STK32B: variants seen among roughly 807,000 people sequenced by gnomAD.
The protein encoded by STK32B is serine/threonine-protein kinase 32B.
STK32B carries 43 observed loss-of-function variants against 52.6 expected under a neutral mutation model. That is an observed-to-expected ratio of 0.82 (90% CI 0.64 to 1.05). The LOEUF (loss-of-function observed/expected upper bound fraction) is 1.05, where lower values mean the gene tolerates loss of function less well. Among genes scored for constraint, STK32B ranks in the 50% least tolerant of loss-of-function variants. The pLI, the probability that STK32B is intolerant of heterozygous loss-of-function variation, is 0.00. For missense variants in STK32B, 621 were observed against 534.6 expected (o/e 1.16, Z -1.59); for synonymous variants, 238 against 204.3 (o/e 1.17, Z -1.41).
In STK32B at chr4:5,460,038, T is replaced by A; in HGVS notation, c.784-65T>A. 6.2e-7 allele frequency: 1 copy of A among 1,613,076 alleles called. No homozygotes were observed. Among genetic ancestry groups the A allele is most frequent in the Non-Finnish European group, 8.5e-7 (1 of 1,179,384 alleles). On this transcript the variant is annotated intron_variant, in intron 8 of 11. Transcript: ENST00000282908. This position sits in a 1 kb window ranked among gnomAD's most constrained non-coding sequence, Gnocchi z 4.8. ...ATTAATTGCCCTGAGACCCCCTCCT[T>A]CAGAGTCCCCGCTAACCTTGAGGGA...
chr4:5,267,559 A>T (rs1727133066), intron 3 of STK32B, among the ~76,000 whole-genome samples: 1 of 152,330 alleles, frequency 6.6e-6, no homozygotes, highest in Non-Finnish European at 1.5e-5. Flanking sequence ...TGAAAGCTCC[A>T]GTAAATTAAG....
At chr4:5,343,700 G>A (rs1039442354) in intron 4 of STK32B, among the ~76,000 whole-genome samples, 2 of 152,266 alleles carry the variant, frequency 1.3e-5, no homozygotes, top group African/African-American at 2.4e-5. Flanking sequence ...AAAAGCAATG[G>A]CAACACAAGC....
At chr4:5,498,267 CAG>C (rs1367863519) in intron 11 of STK32B, among the ~76,000 whole-genome samples, 2 of 152,180 alleles carry the variant, frequency 1.3e-5, no homozygotes, top group Non-Finnish European at 2.9e-5. Context: ...AGATCAGAAA[CAG>C]AGGGATATTG....
At chr4:5,320,942 G>A (rs1731447499) in intron 3 of STK32B, among the ~76,000 whole-genome samples, 1 of 152,114 alleles carries the variant, frequency 6.6e-6, no homozygotes, top group African/African-American at 2.4e-5. Flanking sequence ...GGAACAGGTC[G>A]ATTATGTTCA....
At chr4:5,285,679 C>A (rs180900918) in intron 3 of STK32B, among the ~76,000 whole-genome samples, 199 of 152,200 alleles carry the variant, frequency 1.3e-3, no homozygotes, top group African/African-American at 4.6e-3. Context: ...AGGAACAAAT[C>A]TAATATTTGG....
At chr4:5,282,907 G>C (rs1161826251) in intron 3 of STK32B, among the ~76,000 whole-genome samples, 4 of 152,116 alleles carry the variant, frequency 2.6e-5, no homozygotes, top group East Asian at 1.9e-4. Flanking sequence ...GACCACAGTT[G>C]ACCGTGGGTA....
At chr4:5,213,919 A>T (rs1723042625) in intron 3 of STK32B, among the ~76,000 whole-genome samples, 3 of 152,182 alleles carry the variant, frequency 2.0e-5, no homozygotes, top group Admixed American at 6.5e-5. Context: ...TGCTTTGAAA[A>T]ACCGCTCCCA....
the STK32B span, among the ~76,000 whole-genome samples, chr4:5,027,503 T>A: frequency 6.6e-6 from 1 of 152,188 alleles, no homozygotes; most frequent in Non-Finnish European, 1.5e-5. Context: ...TCAGTTTAGA[T>A]CTCACTTATG....
At chr4:5,089,110 A>G (rs995649204) in intron 1 of STK32B, among the ~76,000 whole-genome samples, 7 of 152,152 alleles carry the variant, frequency 4.6e-5, no homozygotes, top group Admixed American at 2.6e-4. Context: ...AAGTGGGGAC[A>G]TTTCTACTAA....
intron 11 of STK32B, among the ~76,000 whole-genome samples, chr4:5,497,180 A>AC (rs1457820806): frequency 6.6e-6 from 1 of 152,214 alleles, no homozygotes; most frequent in Non-Finnish European, 1.5e-5. Context: ...CAGTATTTGA[A>AC]CATGTTAGCA....
chr4:5,107,647 T>C (rs1290459901), intron 1 of STK32B, among the ~76,000 whole-genome samples: 2 of 152,248 alleles, frequency 1.3e-5, no homozygotes, highest in Non-Finnish European at 1.5e-5. Flanking sequence ...CTATGTTTAG[T>C]AAGTGAAAGA....
chr4:5,069,473 A>G (rs7677832), intron 1 of STK32B, among the ~76,000 whole-genome samples: 26,029 of 152,122 alleles, frequency 0.17, 2,721 homozygotes, highest in Middle Eastern at 0.34. Flanking sequence ...GTCCAGGTCC[A>G]TCATGGAATC....
At chr4:5,176,083 T>C (rs1027744999) in intron 3 of STK32B, among the ~76,000 whole-genome samples, 34 of 152,322 alleles carry the variant, frequency 2.2e-4, no homozygotes, top group Non-Finnish European at 4.6e-4. Context: ...GCTTTGTGGG[T>C]GTAGGACCCT....
At chr4:5,149,702 A>G (rs1463558246) in intron 2 of STK32B, among the ~76,000 whole-genome samples, 1 of 151,850 alleles carries the variant, frequency 6.6e-6, no homozygotes, top group Non-Finnish European at 1.5e-5. Flanking sequence ...ATACAATGTT[A>G]TAGTTTTTGC....
rs1194210019 is a variant in STK32B at position 5,380,305 on chromosome 4, T to C, written c.435-17902T>C. Among the ~76,000 whole-genome samples, 1 of 151,898 alleles carries C rather than the reference T, an allele frequency of 6.6e-6. No individual in the cohort carries two copies. Among genetic ancestry groups the C allele is most frequent in the Non-Finnish European group, 1.5e-5 (1 of 67,986 alleles). ...GATCTATTTAATCCAGGCCCTCGCT[T>C]CCCTCCCAGCCCTCCTCCCGAATCT... is the stretch of plus-strand genomic sequence containing the variant. On this transcript the variant is annotated intron_variant, in intron 4 of 11. Transcript: ENST00000282908. The surrounding 1 kb of genome is among the most constrained non-coding windows in gnomAD (Gnocchi z 4.3).
chr4:5,494,216 G>A (rs1326754721), intron 11 of STK32B, among the ~76,000 whole-genome samples: 1 of 152,154 alleles, frequency 6.6e-6, no homozygotes, highest in Admixed American at 6.5e-5. Flanking sequence ...TGGAGTCTAA[G>A]TATCTTTGTG....
intron 3 of STK32B, among the ~76,000 whole-genome samples, chr4:5,232,434 T>C (rs532123003): frequency 9.8e-5 from 15 of 152,358 alleles, no homozygotes; most frequent in African/African-American, 3.6e-4. Flanking sequence ...AACTGTGATT[T>C]GTTTCTTTCA....
chr4:5,369,884 G>GT (rs201188066), intron 4 of STK32B, among the ~76,000 whole-genome samples: 4,406 of 150,310 alleles, frequency 0.029, 93 homozygotes, highest in East Asian at 0.076. Context: ...TTGTTTGTTT[G>GT]TTTTTTTTTG....
intron 4 of STK32B, among the ~76,000 whole-genome samples, chr4:5,387,987 C>T (rs950773797): frequency 5.9e-5 from 9 of 152,196 alleles, no homozygotes; most frequent in East Asian, 3.9e-4. Flanking sequence ...CAGGTGATCC[C>T]GCCCGCCTCA....
Sources: gnomAD v4.1 joint callset for allele counts (sites outside exome capture counted in the v4.1 genomes callset) on GRCh38, gnomAD v4.1.1 for gene constraint, Gnocchi (gnomAD v3.1) non-coding constraint, MANE v1.5 for transcripts, NCBI Gene and HGNC (gene_info 2026-07-23, HGNC 2026-07-21) for gene names.